Variants in ZNF227 observed in about 807,000 individuals in gnomAD.
ZNF227 encodes the protein zinc finger protein 227.
A neutral mutation model predicts 13.2 loss-of-function variants in ZNF227; 12 were observed. The observed-to-expected ratio is 0.91, with a 90% CI of 0.58 to 1.47. The LOEUF is 1.47. Ranked by LOEUF, ZNF227 falls within the 40% of genes most tolerant of loss-of-function variation. The probability of loss-of-function intolerance (pLI) is 0.00; values close to 1 mark genes in which losing one functional copy is unlikely to be tolerated. For missense variants in ZNF227, 885 were observed against 967.5 expected (o/e 0.91, Z 1.13); for synonymous variants, 338 against 326.0 (o/e 1.04, Z -0.40).
At chr19:44,231,659 A>G (rs1973855914) in intron 5 of ZNF227, among the ~76,000 whole-genome samples, 1 of 152,218 alleles carries the variant, frequency 6.6e-6, no homozygotes. Context: ...AGAATTCTTA[A>G]CAAAAAACTT....
chr19:44,235,248 C>T lies in ZNF227; in HGVS notation c.818C>T (p.Thr273Ile), dbSNP rs774235084. Residue 273 changes from threonine to isoleucine, a missense_variant, in exon 6 of 6, where the codon ACA becomes ATA. Transcript: ENST00000313040. ...PRLPLHPNVH[T>I]GEKCFSQSSH... is the part of the protein sequence containing the mutation. ...CTTCCCCTTCATCCGAATGTTCATA[C>T]AGGAGAAAAATGCTTCAGTCAAAGC... The T allele has an allele frequency of 6.2e-7, 1 of 1,614,064 alleles. No individual in the cohort carries two copies. Among genetic ancestry groups the T allele is most frequent in the Non-Finnish European group, 8.5e-7 (1 of 1,179,994 alleles).
At chr19:44,211,989 A>G (rs1971396554), upstream of ZNF227, among the ~76,000 whole-genome samples, 1 of 149,716 alleles carries the variant, frequency 6.7e-6, no homozygotes, top group Non-Finnish European at 1.5e-5. Flanking sequence ...TCCAGGGTTC[A>G]AGCGATTCTT....
intron 3 of ZNF227, 132 bp from the exon 4 acceptor site, chr19:44,228,314 C>A: frequency 1.0e-6 from 1 of 1,003,182 alleles, no homozygotes; most frequent in South Asian, 1.7e-5. Flanking sequence ...AAAACTGTAA[C>A]AGCTGAAAAT....
intron 3 of ZNF227, 174 bp from the exon 4 acceptor site, chr19:44,228,272 T>G: frequency 3.2e-6 from 2 of 617,004 alleles, no homozygotes; most frequent in Non-Finnish European, 5.3e-6. Flanking sequence ...ACAGGCTTTA[T>G]GGGGATGAGC....
intron 3 of ZNF227, among the ~76,000 whole-genome samples, chr19:44,224,318 T>C (rs1283577771): frequency 1.3e-5 from 2 of 152,168 alleles, no homozygotes; most frequent in Admixed American, 1.3e-4. Flanking sequence ...AATTCCTGGG[T>C]ATCCTTGTTA....
At chr19:44,215,849 G>T (rs980296504) in intron 2 of ZNF227, among the ~76,000 whole-genome samples, 3 of 152,068 alleles carry the variant, frequency 2.0e-5, no homozygotes, top group Admixed American at 6.6e-5. Context: ...TTAGCCAGAC[G>T]TGGTGGTGCG....
At chr19:44,217,756 G>C (rs774178625) in intron 2 of ZNF227, 35 bp from the exon 3 acceptor site, 18 of 1,610,718 alleles carry the variant, frequency 1.1e-5, no homozygotes, top group Non-Finnish European at 1.2e-5. Flanking sequence ...GCTAACAGCA[G>C]GCTTGTGTCT....
intron 5 of ZNF227, among the ~76,000 whole-genome samples, chr19:44,231,811 T>G (rs1973874708): frequency 6.6e-6 from 1 of 152,202 alleles, no homozygotes. Context: ...CTAAGACATT[T>G]TTGGACATGT....
chr19:44,212,708 C>G (rs1284903063), intron 1 of ZNF227, 123 bp downstream of exon 1: 1 of 152,234 alleles, frequency 6.6e-6, no homozygotes, highest in Admixed American at 6.5e-5. Context: ...GGCCGAGAGG[C>G]CGAGGGCGGG....
chr19:44,225,755 C>A (rs920586652), intron 3 of ZNF227, among the ~76,000 whole-genome samples: 1 of 152,232 alleles, frequency 6.6e-6, no homozygotes, highest in African/African-American at 2.4e-5. Flanking sequence ...CTGAAGCCTT[C>A]TCTCAACTCG....
intron 3 of ZNF227, among the ~76,000 whole-genome samples, chr19:44,221,391 G>C (rs899013159): frequency 6.6e-6 from 1 of 152,194 alleles, no homozygotes; most frequent in Non-Finnish European, 1.5e-5. Context: ...GTGTAAAAGT[G>C]TTCCTGTTTC....
chr19:44,229,589 GC>G (rs952480026), intron 4 of ZNF227, 143 bp from the exon 5 acceptor site: 75 of 380,902 alleles, frequency 2.0e-4, no homozygotes, highest in Non-Finnish European at 4.3e-5. Flanking sequence ...TTCAGCCTGG[GC>G]GATAGAGTGA....
At position 44,230,908 on chromosome 19, in the gene ZNF227, C is replaced by CA. The variant is rs561975781; in HGVS notation, c.271+1111dup. Among the ~76,000 whole-genome samples the CA allele has an allele frequency of 2.2e-3, 124 of 57,094 alleles. 3 individuals carry two copies. The highest frequency in any genetic ancestry group is 8.4e-3 in the African/African-American group (54 of 6,456). The allele number at this position is 57,094 out of a possible 152,430, so 37.5% of individuals were successfully genotyped here. Reference sequence around the variant, plus strand: ...GCAACATAGTGAGACTCCATCTCTACAAAAAAAAAAAAAAAAAAATATATA... The same window carrying CA: ...GCAACATAGTGAGACTCCATCTCTACAAAAAAAAAAAAAAAAAAAATATATA... On this transcript the variant is annotated intron_variant, in intron 5 of 5. Transcript: ENST00000313040.
At position 44,236,876 on chromosome 19, in the gene ZNF227, A is replaced by G. The variant is rs183610553; in HGVS notation, c.*46A>G. On this transcript the variant is annotated 3_prime_UTR_variant, in exon 6 of 6. Transcript: ENST00000313040. ...ACTTTTGTCTGAATGCACATCTTCAAGTTTTTGGCTAGTCCATGCTGGTGG... is the reference window on the plus strand; with the variant it reads ...ACTTTTGTCTGAATGCACATCTTCAGGTTTTTGGCTAGTCCATGCTGGTGG... 6.7e-7 allele frequency: 1 copy of G among 1,497,792 alleles called. No individual in the cohort carries two copies. The highest frequency in any genetic ancestry group is 2.3e-5 in the East Asian group (1 of 44,000). The allele number at this position is 1,497,792 out of a possible 1,614,324, so 92.8% of individuals were successfully genotyped here.
chr19:44,213,421 T>A (rs1971531105), intron 2 of ZNF227, 177 bp downstream of exon 2: 1 of 152,230 alleles, frequency 6.6e-6, no homozygotes, highest in Admixed American at 6.5e-5. Context: ...CCACTTTGAT[T>A]TTAAGGCATT....
In ZNF227 at chr19:44,217,817, C is replaced by T. The variant is rs1203728837; in HGVS notation, c.25C>T (p.Pro9Ser). The T allele has an allele frequency of 6.2e-7, 1 of 1,614,106 alleles. No individual in the cohort carries two copies. The highest frequency in any genetic ancestry group is 8.5e-7 in the Non-Finnish European group (1 of 1,180,046). Residue 9 changes from proline to serine, a missense_variant, in exon 3 of 6, where the codon CCC (proline) becomes TCC (serine). Pro to Ser is a moderately conservative substitution (Grantham distance 74). Coordinates refer to ENST00000313040, the MANE Select transcript of ZNF227 (RefSeq NM_182490.3). The part of the protein sequence containing the change: MPSQNYDL[P>S]QKKQEKMTKF... ...TATGCCATCTCAGAACTATGACCTT[C>T]CCCAGAAGAAGCAGGAGAAAATGAC...
chr19:44,208,628 G>A (rs1025231633), upstream of ZNF227, among the ~76,000 whole-genome samples: 9 of 152,230 alleles, frequency 5.9e-5, no homozygotes, highest in African/African-American at 1.9e-4. Flanking sequence ...GAGGGAAGAC[G>A]AACCCTAAAA....
Position 44,235,224 on chromosome 19 carries a change from T to C in ZNF227, c.794T>C (p.Leu265Pro), listed in dbSNP as rs772237550. The change falls in exon 6 of 6, where the codon CTT (leucine) becomes CCT (proline). Residue 265 changes from leucine to proline, a missense_variant. By Grantham distance (98) the Leu-to-Pro change is moderately conservative. Transcript: ENST00000313040. Reference protein sequence around the residue: ...CGRGFSYSPRLPLHPNVHTGE... With the variant: ...CGRGFSYSPRPPLHPNVHTGE... ...AGGGGCTTCAGTTATAGCCCAAGGC[T>C]TCCCCTTCATCCGAATGTTCATACA... 2 of 1,614,078 alleles carry C rather than the reference T, an allele frequency of 1.2e-6. No individual in the cohort carries two copies. Among genetic ancestry groups the C allele is most frequent in the Admixed American group, 3.3e-5 (2 of 60,014 alleles).
intron 2 of ZNF227, chr19:44,217,527 A>C (rs185838003): frequency 1.1e-5 from 7 of 653,582 alleles, no homozygotes; most frequent in African/African-American, 3.6e-5. Context: ...GAGCCCTCAT[A>C]TGTTGTTACA....
Sources: gnomAD v4.1 joint callset for allele counts (sites outside exome capture counted in the v4.1 genomes callset) on GRCh38, gnomAD v4.1.1 for gene constraint, MANE v1.5 for transcripts, NCBI Gene and HGNC (gene_info 2026-07-23, HGNC 2026-07-21) for gene names.